Variants in ZNF385B observed in about 807,000 individuals in gnomAD.
ZNF385B encodes the protein zinc finger protein 385B.
Under a neutral mutation model 39.2 loss-of-function variants are expected in ZNF385B, and 23 were observed. The ratio of observed to expected loss-of-function variants is 0.59; its 90% confidence interval spans 0.42 to 0.83. The LOEUF (loss-of-function observed/expected upper bound fraction) is 0.83. Among genes scored for constraint, ZNF385B ranks in the 40% least tolerant of loss-of-function variants. The probability of loss-of-function intolerance (pLI) is 0.00; values close to 1 mark genes in which losing one functional copy is unlikely to be tolerated. For missense variants in ZNF385B, 552 were observed against 598.9 expected, an observed-to-expected ratio of 0.92 and a Z score of 0.82; for synonymous variants, 205 against 222.6, an observed-to-expected ratio of 0.92 and a Z score of 0.70.
chr2:179,784,634 T>G (rs1032007460), intron 1 of ZNF385B, among the ~76,000 whole-genome samples: 5 of 151,494 alleles, frequency 3.3e-5, no homozygotes, highest in African/African-American at 1.2e-4. Flanking sequence ...AACAGAAAAA[T>G]GAACAAAAAC....
chr2:179,445,819 T>G, intron 7 of ZNF385B, 91 bp from the exon 8 acceptor site: 2 of 1,215,702 alleles, frequency 1.6e-6, no homozygotes, highest in Non-Finnish European at 2.2e-6. Context: ...ACCTGCAGGC[T>G]AAAATTCCCA....
intron 3 of ZNF385B, among the ~76,000 whole-genome samples, chr2:179,678,027 C>G (rs73973623): frequency 9.8e-4 from 148 of 151,200 alleles, no homozygotes; most frequent in African/African-American, 3.5e-3. Flanking sequence ...CTTTTTTTTT[C>G]TATCAAGGGG....
intron 1 of ZNF385B, among the ~76,000 whole-genome samples, chr2:179,810,726 TC>T (rs1281015102): frequency 2.0e-5 from 3 of 152,016 alleles, no homozygotes; most frequent in African/African-American, 7.2e-5. Flanking sequence ...GGTGTAAAAG[TC>T]AATTTTGGTT....
chr2:179,706,591 T>C (rs1699619459), intron 3 of ZNF385B, among the ~76,000 whole-genome samples: 1 of 152,166 alleles, frequency 6.6e-6, no homozygotes, highest in Non-Finnish European at 1.5e-5. Context: ...ACAGCTGCTG[T>C]CCTTGATGGT....
chr2:179,768,441 T>C (rs1703829290), intron 3 of ZNF385B, among the ~76,000 whole-genome samples: 1 of 152,212 alleles, frequency 6.6e-6, no homozygotes, highest in African/African-American at 2.4e-5. Flanking sequence ...TGAAATTAAA[T>C]CATCAACTGA....
intron 3 of ZNF385B, among the ~76,000 whole-genome samples, chr2:179,655,902 A>G (rs1575105625): frequency 6.6e-6 from 1 of 152,308 alleles, no homozygotes. Context: ...GCTCAGTGCA[A>G]TGTAGTATTT....
At chr2:179,579,011 T>A (rs930305348) in intron 3 of ZNF385B, among the ~76,000 whole-genome samples, 7 of 152,096 alleles carry the variant, frequency 4.6e-5, no homozygotes, top group Admixed American at 4.6e-4. Context: ...TTAAAATATG[T>A]GTTGTTACTT....
At chr2:179,565,565 T>C (rs577357357) in intron 3 of ZNF385B, among the ~76,000 whole-genome samples, 9 of 152,240 alleles carry the variant, frequency 5.9e-5, no homozygotes, top group Non-Finnish European at 1.2e-4. Context: ...ATCTTATTTG[T>C]CTTTTTGTCT....
At chr2:179,817,602 C>T (rs1051440474) in intron 1 of ZNF385B, among the ~76,000 whole-genome samples, 16 of 151,866 alleles carry the variant, frequency 1.1e-4, no homozygotes, top group African/African-American at 3.4e-4. Flanking sequence ...AACAAAACAC[C>T]GGGGAAGAAA....
intron 6 of ZNF385B, among the ~76,000 whole-genome samples, chr2:179,471,297 T>C (rs1288008011): frequency 2.0e-5 from 3 of 152,146 alleles, no homozygotes; most frequent in Admixed American, 1.3e-4. Flanking sequence ...ATCAAGACAT[T>C]AGAAGTTATT....
chr2:179,544,969 C>A lies in ZNF385B; in HGVS notation c.299G>T (p.Gly100Val), dbSNP rs1314261237. 6.2e-7 allele frequency: 1 copy of A among 1,613,788 alleles called. No homozygotes were observed. Among genetic ancestry groups the A allele is most frequent in the African/African-American group, 1.3e-5 (1 of 75,016 alleles). ...AAGGGTAGTAGTGTGGCATGTACTGCCTGCCAAGAACAAAACAAAAATGAA... is the reference window on the plus strand; with the variant it reads ...AAGGGTAGTAGTGTGGCATGTACTGACTGCCAAGAACAAAACAAAAATGAA... The part of the protein sequence containing the change: ...QASPSSNSST[G>V]STCHTTTLPA... Residue 100 changes from glycine (G) to valine (V), a missense_variant and splice_region_variant, in exon 4 of 10, where the codon GGC becomes GTC. By Grantham distance (109) the Gly-to-Val change is moderately radical. Coordinates refer to ENST00000410066, the MANE Select transcript of ZNF385B (RefSeq NM_152520.6).
At chr2:179,836,620 G>A (rs1335666128) in intron 1 of ZNF385B, among the ~76,000 whole-genome samples, 2 of 148,848 alleles carry the variant, frequency 1.3e-5, no homozygotes, top group African/African-American at 2.5e-5. Context: ...CCGGGTTCAC[G>A]CCATTCTCCT....
intron 3 of ZNF385B, among the ~76,000 whole-genome samples, chr2:179,581,906 C>A (rs1686570344): frequency 6.6e-6 from 1 of 152,162 alleles, no homozygotes; most frequent in Admixed American, 6.5e-5. Flanking sequence ...TCCCGATAAG[C>A]TGTAATACCA....
intron 1 of ZNF385B, among the ~76,000 whole-genome samples, chr2:179,822,023 T>A (rs539647135): frequency 6.6e-6 from 1 of 152,342 alleles, no homozygotes; most frequent in Non-Finnish European, 1.5e-5. Context: ...AAACACATTA[T>A]GTTCCTCTTT....
intron 3 of ZNF385B, among the ~76,000 whole-genome samples, chr2:179,705,343 A>G (rs1699511239): frequency 6.6e-6 from 1 of 152,096 alleles, no homozygotes; most frequent in Admixed American, 6.6e-5. Context: ...ATCTTCTTCC[A>G]TCCTTCCTTG....
intron 6 of ZNF385B, among the ~76,000 whole-genome samples, chr2:179,480,370 T>G (rs1423000975): frequency 1.3e-5 from 2 of 152,206 alleles, no homozygotes; most frequent in Admixed American, 6.5e-5. Flanking sequence ...CCACCTTCTT[T>G]CTCCTTACAT....
At chr2:179,624,008 A>G (rs1014241834) in intron 3 of ZNF385B, among the ~76,000 whole-genome samples, 1 of 152,248 alleles carries the variant, frequency 6.6e-6, no homozygotes, top group Middle Eastern at 3.4e-3. Flanking sequence ...AGTTGTTTCT[A>G]TGCTTTCCTC....
intron 6 of ZNF385B, among the ~76,000 whole-genome samples, chr2:179,451,566 A>AT (rs1437547771): frequency 1.3e-5 from 2 of 151,976 alleles, no homozygotes; most frequent in African/African-American, 2.4e-5. Flanking sequence ...TATGTTTTAA[A>AT]TTTTTTTTCT....
chr2:179,826,864 C>T (rs780286494), intron 1 of ZNF385B, among the ~76,000 whole-genome samples: 2 of 152,118 alleles, frequency 1.3e-5, no homozygotes, highest in Admixed American at 6.5e-5. Flanking sequence ...AAAGACAAAT[C>T]CAGTTGACTT....
Sources: gnomAD v4.1 joint callset for allele counts (sites outside exome capture counted in the v4.1 genomes callset) on GRCh38, gnomAD v4.1.1 for gene constraint, MANE v1.5 for transcripts, NCBI Gene and HGNC (gene_info 2026-07-23, HGNC 2026-07-21) for gene names.